The following PSPC1 variants were observed in gnomAD, a reference collection of about 807,000 sequenced individuals.
The protein encoded by PSPC1 is paraspeckle component 1.
A neutral mutation model predicts 51.6 loss-of-function variants in PSPC1; 14 were observed. The ratio of observed to expected loss-of-function variants is 0.27; its 90% CI spans 0.18 to 0.42. The LOEUF is 0.42. PSPC1 is among the 10% of genes least tolerant of loss of function. The probability of loss-of-function intolerance (pLI) is 1.00; values close to 1 mark genes in which losing one functional copy is unlikely to be tolerated. For missense variants in PSPC1, 406 were observed against 701.1 expected, an observed-to-expected ratio of 0.58 and a Z score of 4.75; for synonymous variants, 193 against 231.9, an observed-to-expected ratio of 0.83 and a Z score of 1.53.
intron 2 of PSPC1, among the ~76,000 whole-genome samples, chr13:19,766,541 C>T (rs552463313): frequency 6.6e-6 from 1 of 152,106 alleles, no homozygotes; most frequent in African/African-American, 2.4e-5. Flanking sequence ...AAAAATTAGC[C>T]AAGTCTGGTG....
chr13:19,729,788 T>C (rs1486104961), intron 6 of PSPC1, among the ~76,000 whole-genome samples: 1 of 152,146 alleles, frequency 6.6e-6, no homozygotes, highest in Non-Finnish European at 1.5e-5. Flanking sequence ...TGAAATCAGG[T>C]ATTTCAAATA....
intron 6 of PSPC1, among the ~76,000 whole-genome samples, chr13:19,714,174 G>A (rs796647405): frequency 6.6e-5 from 10 of 152,284 alleles, no homozygotes; most frequent in African/African-American, 2.4e-4. Flanking sequence ...AAGTACATCT[G>A]CTGCATTCTG....
intron 2 of PSPC1, among the ~76,000 whole-genome samples, chr13:19,767,626 T>C (rs1888199465): frequency 6.6e-6 from 1 of 151,172 alleles, no homozygotes; most frequent in Non-Finnish European, 1.5e-5. Flanking sequence ...AACTGGTCAA[T>C]GAAACAAAAA....
intron 6 of PSPC1, among the ~76,000 whole-genome samples, chr13:19,723,637 G>A (rs529361441): frequency 3.6e-4 from 55 of 152,266 alleles, no homozygotes; most frequent in African/African-American, 1.3e-3. Context: ...GGTTAAAACT[G>A]ACACATACCT....
chr13:19,779,669 T>C (rs1889669018), intron 1 of PSPC1, among the ~76,000 whole-genome samples: 1 of 73,702 alleles, frequency 1.4e-5, no homozygotes, highest in Non-Finnish European at 2.7e-5. Context: ...AGCCGCCCCG[T>C]CCGGGAGGGA....
At chr13:19,671,808 A>T, downstream of PSPC1, 1 of 1,612,566 alleles carries the variant, frequency 6.2e-7, no homozygotes, top group Non-Finnish European at 8.5e-7. Context: ...ATCTGTACTG[A>T]CACCTGCGTT....
At chr13:19,671,965 TAA>T, downstream of PSPC1, 1 of 1,366,618 alleles carries the variant, frequency 7.3e-7, no homozygotes, top group Non-Finnish European at 1.0e-6. Flanking sequence ...CACATCTATG[TAA>T]AGTTTTGTCT....
At chr13:19,759,162 A>C (rs1420236342) in intron 3 of PSPC1, among the ~76,000 whole-genome samples, 161 bp downstream of exon 3, 5 of 152,134 alleles carry the variant, frequency 3.3e-5, no homozygotes, top group Non-Finnish European at 5.9e-5. Flanking sequence ...AAAAAACAAA[A>C]AGAAAGAAAG....
At position 19,681,853 on chromosome 13, in the gene PSPC1, T is replaced by C. The variant is rs554761554; in HGVS notation, c.1159-4030A>G. Among the ~76,000 whole-genome samples, 6 of 152,344 alleles carry C rather than the reference T, an allele frequency of 3.9e-5. No individual in the cohort carries two copies. In the East Asian group the frequency reaches 1.2e-3, roughly 29 times the overall value. On this transcript the variant is annotated intron_variant and NMD_transcript_variant, in intron 6 of 7. Coordinates refer to the PSPC1 transcript ENST00000471658. ...CAGCAATAAAGAAACTAAATGCTAT[T>C]ACAAGCAATTCATAGCTGTCAAAAT... is the stretch of plus-strand genomic sequence containing the variant.
intron 6 of PSPC1, among the ~76,000 whole-genome samples, chr13:19,711,494 C>T (rs1881414904): frequency 6.6e-6 from 1 of 151,840 alleles, no homozygotes; most frequent in African/African-American, 2.4e-5. Flanking sequence ...AAAAATTAGC[C>T]AGGTGTGGTG....
chr13:19,696,773 G>A (rs1379079737), intron 6 of PSPC1, among the ~76,000 whole-genome samples: 2 of 152,082 alleles, frequency 1.3e-5, no homozygotes, highest in African/African-American at 2.4e-5. Flanking sequence ...CAAACATACC[G>A]ATACAAAAAC....
At chr13:19,708,091 T>C (rs1483038282) in intron 7 of PSPC1, among the ~76,000 whole-genome samples, 2 of 152,192 alleles carry the variant, frequency 1.3e-5, no homozygotes, top group Non-Finnish European at 2.9e-5. Flanking sequence ...ATATCAGAGA[T>C]ATTCACTAAC....
In PSPC1 at chr13:19,758,361, T is replaced by C. The variant is rs996991594; in HGVS notation, c.770+962A>G. On this transcript the variant is annotated intron_variant, in intron 3 of 8. Coordinates refer to ENST00000338910, the MANE Select transcript of PSPC1 (RefSeq NM_001354909.2). ...TAGGCAATTTATGTAAATATACTTG[T>C]ATTATTCTAAGTGAAAAGGGAAAAT... Among the ~76,000 whole-genome samples the C allele has an allele frequency of 6.3e-5, 7 of 111,060 alleles. No individual in the cohort carries two copies. In the Admixed American group the frequency reaches 7.8e-4, roughly 12 times the overall value. The allele number at this position is 111,060 out of a possible 152,430, so 72.9% of individuals were successfully genotyped here.
chr13:19,709,280 T>TTTA lies in PSPC1; in HGVS notation c.1216+259_1216+261dup, dbSNP rs1245137565. Among the ~76,000 whole-genome samples, 4 of 152,242 alleles carry TTTA rather than the reference T, an allele frequency of 2.6e-5. No homozygotes were observed. In the South Asian group the frequency reaches 8.3e-4, roughly 32 times the overall value. On this transcript the variant is annotated intron_variant, in intron 7 of 8. Transcript: ENST00000338910. ...ACCTTCAGGCTGTATTGCAACCTGG[T>TTTA]TTATATGTTTCTTTCATTAAGCCTA...
At chr13:19,744,488 T>A (rs1297389179) in intron 4 of PSPC1, among the ~76,000 whole-genome samples, 3 of 152,186 alleles carry the variant, frequency 2.0e-5, no homozygotes, top group South Asian at 2.1e-4. Flanking sequence ...AGCTTATACA[T>A]CTGTACACTG....
intron 4 of PSPC1, among the ~76,000 whole-genome samples, chr13:19,750,389 G>A (rs1316143060): frequency 2.0e-5 from 3 of 151,368 alleles, no homozygotes; most frequent in African/African-American, 2.4e-5. Context: ...ACAATATGGC[G>A]CCACTGCACT....
intron 5 of PSPC1, among the ~76,000 whole-genome samples, chr13:19,737,425 G>A (rs760427235): frequency 6.6e-6 from 1 of 152,124 alleles, no homozygotes; most frequent in South Asian, 2.1e-4. Flanking sequence ...TTGAATTTGG[G>A]TTTGTTTTTT....
intron 5 of PSPC1, among the ~76,000 whole-genome samples, chr13:19,730,961 A>AAAAAAAAAAAAAAAAAAAAC (rs1441202332): frequency 4.3e-5 from 1 of 23,510 alleles, no homozygotes. Flanking sequence ...AAAAAACAAA[A>AAAAAAAAAAAAAAAAAAAAC]AAACAAAAAA....
At chr13:19,694,654 T>C (rs2137667812) in intron 6 of PSPC1, among the ~76,000 whole-genome samples, 1 of 152,316 alleles carries the variant, frequency 6.6e-6, no homozygotes, top group Non-Finnish European at 1.5e-5. Flanking sequence ...TAATATTCTA[T>C]CAATAACTGA....
Sources: allele counts gnomAD v4.1 joint callset (sites outside exome capture counted in the v4.1 genomes callset), GRCh38; gene constraint gnomAD v4.1.1; transcripts MANE v1.5; gene names NCBI Gene and HGNC (gene_info 2026-07-23, HGNC 2026-07-21).